NEK11: variants seen among roughly 807,000 people sequenced by gnomAD.
The protein encoded by NEK11 is serine/threonine-protein kinase Nek11.
A neutral mutation model predicts 80.7 loss-of-function variants in NEK11; 72 were observed. The ratio of observed to expected loss-of-function variants is 0.89; its 90% CI spans 0.74 to 1.08. The LOEUF is 1.08. Among genes scored for constraint, NEK11 ranks in the 50% least tolerant of loss-of-function variants. NEK11 has a pLI of 0.00. For missense variants in NEK11, 764 were observed against 763.6 expected, an observed-to-expected ratio of 1.00 and a Z score of -0.01; for synonymous variants, 251 against 260.7, an observed-to-expected ratio of 0.96 and a Z score of 0.36.
intron 7 of NEK11, among the ~76,000 whole-genome samples, chr3:131,143,605 G>A (rs1480581111): frequency 1.3e-5 from 2 of 151,876 alleles, no homozygotes; most frequent in African/African-American, 2.4e-5. Context: ...CCAAATGCTC[G>A]GAATCAGCAT....
intron 3 of NEK11, among the ~76,000 whole-genome samples, chr3:131,031,344 C>T (rs2064816860): frequency 6.6e-6 from 1 of 152,158 alleles, no homozygotes; most frequent in African/African-American, 2.4e-5. Flanking sequence ...TAGAGGTGCT[C>T]TTCTAGCCAT....
chr3:131,327,468 T>TTCCACATCCCAGTGCAGAACTCTGAG (rs2096986932), intron 17 of NEK11: 2 of 152,216 alleles, frequency 1.3e-5, no homozygotes, highest in Non-Finnish European at 2.9e-5. Flanking sequence ...TGCACAGCCC[T>TTCCACATCCCAGTGCAGAACTCTGAG]TCCACATCCC....
In NEK11 at chr3:131,142,244, C is replaced by A. The variant is rs140606938; in HGVS notation, c.647+8288C>A. Among the ~76,000 whole-genome samples the A allele has an allele frequency of 1.7e-4, 26 of 152,294 alleles. No homozygotes were observed. The East Asian group carries it at 5.0e-3, about 29-fold the overall frequency. On this transcript the variant is annotated intron_variant, in intron 7 of 17. Transcript: ENST00000383366. ...TGAAGCAAGTCCTATGCCAATTCCC[C>A]CTGTGGGGGAAGGGAAAAAGAATAT...
At chr3:131,104,744 A>C (rs1181429920) in intron 4 of NEK11, among the ~76,000 whole-genome samples, 2 of 152,150 alleles carry the variant, frequency 1.3e-5, no homozygotes, top group South Asian at 2.1e-4. Context: ...CAGAGATCCA[A>C]GGCTCATGGA....
At chr3:131,251,466 G>A (rs2095701979) in intron 16 of NEK11, among the ~76,000 whole-genome samples, 1 of 151,976 alleles carries the variant, frequency 6.6e-6, no homozygotes, top group South Asian at 2.1e-4. Context: ...TTTCTGAGAA[G>A]ATTATAGTAA....
chr3:131,116,478 T>C (rs1284363748), intron 5 of NEK11, among the ~76,000 whole-genome samples: 1 of 152,234 alleles, frequency 6.6e-6, no homozygotes, highest in Non-Finnish European at 1.5e-5. Flanking sequence ...TGTAATCCTT[T>C]GGGTATATAC....
intron 11 of NEK11, among the ~76,000 whole-genome samples, chr3:131,163,498 C>A (rs1041893866): frequency 1.3e-5 from 2 of 151,598 alleles, no homozygotes; most frequent in Non-Finnish European, 2.9e-5. Context: ...CATAGAAAGA[C>A]AAATACTGCA....
At chr3:131,040,978 T>A (rs915052084) in intron 3 of NEK11, among the ~76,000 whole-genome samples, 6 of 152,218 alleles carry the variant, frequency 3.9e-5, no homozygotes, top group African/African-American at 1.4e-4. Flanking sequence ...CAGGGGAGAT[T>A]CAAGGAAGAT....
At chr3:131,119,283 A>G (rs2081936862) in intron 5 of NEK11, among the ~76,000 whole-genome samples, 1 of 152,148 alleles carries the variant, frequency 6.6e-6, no homozygotes, top group Non-Finnish European at 1.5e-5. Context: ...AGCGGTTTTG[A>G]GTGAGTTTCT....
intron 7 of NEK11, among the ~76,000 whole-genome samples, chr3:131,149,575 C>G (rs2089213277): frequency 1.3e-5 from 2 of 152,084 alleles, no homozygotes; most frequent in South Asian, 4.1e-4. Flanking sequence ...TAGATAAAAA[C>G]TATTCAGATT....
chr3:131,254,319 T>C (rs927228579), intron 16 of NEK11, among the ~76,000 whole-genome samples: 7 of 152,272 alleles, frequency 4.6e-5, no homozygotes, highest in Admixed American at 3.3e-4. Context: ...ATGAGAAATT[T>C]TTTTCTGTCA....
chr3:131,116,850 A>G (rs1207141998), intron 5 of NEK11, among the ~76,000 whole-genome samples: 1 of 152,114 alleles, frequency 6.6e-6, no homozygotes, highest in African/African-American at 2.4e-5. Flanking sequence ...AAATTTGTTT[A>G]AGTTCTTTGT....
rs569013067 is a variant in NEK11, at chr3:131,044,246, C to A, written c.170+14368C>A. On this transcript the variant is annotated intron_variant, in intron 3 of 17. Transcript: ENST00000383366. ...ATGATAGGATCAAATTCACACATAA[C>A]AATATTAACCTCAAATGTAAATGGG... 2.0e-5 allele frequency among the ~76,000 whole-genome samples: 3 copies of A among 151,872 alleles called. No homozygotes were observed. The East Asian group carries it at 5.8e-4, about 29-fold the overall frequency.
At chr3:131,348,645 G>A (rs948658940) in intron 17 of NEK11, among the ~76,000 whole-genome samples, 1 of 151,024 alleles carries the variant, frequency 6.6e-6, no homozygotes, top group Non-Finnish European at 1.5e-5. Context: ...TCTGGAGATA[G>A]AGGAAAATAG....
chr3:131,337,522 G>C (rs948038301), intron 17 of NEK11, among the ~76,000 whole-genome samples: 8 of 151,708 alleles, frequency 5.3e-5, no homozygotes, highest in Non-Finnish European at 8.8e-5. Context: ...GCTAAATGAC[G>C]AGTTAATGGG....
At chr3:131,321,502 G>A (rs1356490228) in intron 17 of NEK11, among the ~76,000 whole-genome samples, 2 of 151,114 alleles carry the variant, frequency 1.3e-5, no homozygotes, top group Admixed American at 6.6e-5. Flanking sequence ...ACTGACAAGT[G>A]GAACCTAATT....
intron 4 of NEK11, among the ~76,000 whole-genome samples, chr3:131,082,420 C>T (rs191088082): frequency 2.2e-3 from 332 of 152,230 alleles, no homozygotes; most frequent in Non-Finnish European, 3.5e-3. Context: ...AGACTCTTTC[C>T]ATGTCTTAGA....
chr3:131,033,925 T>A (rs2065245649), intron 3 of NEK11, among the ~76,000 whole-genome samples: 1 of 152,224 alleles, frequency 6.6e-6, no homozygotes. Flanking sequence ...GATAGAGGTT[T>A]TTCCTTTATT....
At chr3:131,255,082 A>C (rs1446124222) in intron 16 of NEK11, among the ~76,000 whole-genome samples, 4,018 of 57,076 alleles carry the variant, frequency 0.07, 87 homozygotes, top group East Asian at 0.18. Flanking sequence ...GAAAGAAGGA[A>C]AGAAAGAAAG....
Sources: allele counts gnomAD v4.1 joint callset (sites outside exome capture counted in the v4.1 genomes callset), GRCh38; gene constraint gnomAD v4.1.1; transcripts MANE v1.5; gene names NCBI Gene and HGNC (gene_info 2026-07-23, HGNC 2026-07-21).